The following GNA14 variants were observed in gnomAD, a reference collection of about 807,000 sequenced individuals.
GNA14 encodes the protein G protein subunit alpha 14, also known as guanine nucleotide-binding protein subunit alpha-14.
In GNA14, 50 loss-of-function variants were observed where a neutral mutation model predicts 42.0. That is an observed-to-expected ratio of 1.19 (90% confidence interval 0.95 to 1.51). The LOEUF (loss-of-function observed/expected upper bound fraction) is 1.51. Among genes scored for constraint, GNA14 ranks in the 40% most tolerant of loss-of-function variants. The pLI is 0.00. For synonymous variants in GNA14, 173 were observed against 163.1 expected (o/e 1.06, Z -0.46); for missense variants, 473 against 446.2 (o/e 1.06, Z -0.54).
chr9:77,631,294 C>T (rs551039269), intron 1 of GNA14, among the ~76,000 whole-genome samples: 2 of 152,062 alleles, frequency 1.3e-5, no homozygotes, highest in African/African-American at 2.4e-5. Flanking sequence ...GAAATTGCTA[C>T]ATCACTTCAG....
chr9:77,492,802 A>T (rs1350843735), intron 2 of GNA14, among the ~76,000 whole-genome samples: 1 of 151,444 alleles, frequency 6.6e-6, no homozygotes, highest in Non-Finnish European at 1.5e-5. Context: ...AGGAGTTGGA[A>T]ACCAGCCTGG....
chr9:77,529,133 GC>G lies in GNA14; in HGVS notation c.244del (p.Ala82ProfsTer5). ...CATCGCTCTGATCATGGCTTGCATG[GC>G]GGTGAATATGTTTTGGTAAACCAGC... ...TKLVYQNIFTAMQAMIRAMDT... is the reference protein window; with the variant it reads ...TKLVYQNIFTXMQAMIRAMDT... On this transcript the variant is annotated frameshift_variant, in exon 2 of 7. Transcript: ENST00000341700. LOFTEE classifies it high-confidence loss of function. The G allele has an allele frequency of 6.2e-7, 1 of 1,614,118 alleles. No homozygotes were observed. Among genetic ancestry groups the G allele is most frequent in the Non-Finnish European group, 8.5e-7 (1 of 1,179,976 alleles).
At chr9:77,640,109 A>G (rs1284468114) in intron 1 of GNA14, among the ~76,000 whole-genome samples, 1 of 152,186 alleles carries the variant, frequency 6.6e-6, no homozygotes, top group African/African-American at 2.4e-5. Flanking sequence ...ACCTGGCTAT[A>G]AAGGTCTGCA....
chr9:77,646,193 C>T (rs573510988), intron 1 of GNA14, among the ~76,000 whole-genome samples: 1 of 152,348 alleles, frequency 6.6e-6, no homozygotes, highest in East Asian at 1.9e-4. Flanking sequence ...CGGGGACTCC[C>T]TCCACTCCTA....
At chr9:77,628,543 T>C (rs1198644689) in intron 1 of GNA14, among the ~76,000 whole-genome samples, 1 of 152,104 alleles carries the variant, frequency 6.6e-6, no homozygotes, top group African/African-American at 2.4e-5. Flanking sequence ...AACAGATATA[T>C]AGATCAATGG....
Position 77,529,288 on chromosome 9 carries a change from A to C in GNA14, c.125-35T>G, listed in dbSNP as rs745977751. On this transcript the variant is annotated intron_variant, in intron 1 of 6. Coordinates refer to ENST00000341700, the MANE Select transcript of GNA14 (RefSeq NM_004297.4). ...AAAACAAGTGGAAAACGCTGTCAGC[A>C]GACTTCCAAAGGAACACACGAAGAA... 4 of 1,521,272 alleles carry C rather than the reference A, an allele frequency of 2.6e-6. No individual in the cohort carries two copies. The Admixed American group carries it at 5.0e-5, about 19-fold the overall frequency. The allele number at this position is 1,521,272 out of a possible 1,614,324, so 94.2% of individuals were successfully genotyped here.
At chr9:77,481,203 T>C (rs141712514) in intron 2 of GNA14, among the ~76,000 whole-genome samples, 3,945 of 152,260 alleles carry the variant, frequency 0.026, 169 homozygotes, top group African/African-American at 0.089. Flanking sequence ...TAAATTTCCC[T>C]CTACTCACTG....
intron 1 of GNA14, among the ~76,000 whole-genome samples, chr9:77,560,286 CTTTTTTT>C (rs770870060): frequency 1.7e-5 from 2 of 119,556 alleles, no homozygotes; most frequent in East Asian, 2.4e-4. Context: ...CCTCTCCAGT[CTTTTTTT>C]TTTTTTTTTT....
chr9:77,426,566 A>C (rs910016907), intron 5 of GNA14, among the ~76,000 whole-genome samples: 16 of 152,136 alleles, frequency 1.1e-4, no homozygotes, highest in African/African-American at 3.9e-4. Context: ...GGCCTCCCAA[A>C]GTGCTGGGAT....
intron 2 of GNA14, among the ~76,000 whole-genome samples, chr9:77,476,688 A>G (rs1836430028): frequency 6.6e-6 from 1 of 152,240 alleles, no homozygotes; most frequent in Non-Finnish European, 1.5e-5. Flanking sequence ...TGAAAAGGAT[A>G]AAATGAATTG....
intron 1 of GNA14, among the ~76,000 whole-genome samples, chr9:77,594,453 AACAAGC>A (rs1461023635): frequency 1.3e-5 from 2 of 152,222 alleles, no homozygotes; most frequent in Non-Finnish European, 2.9e-5. Flanking sequence ...CCCTAAATAG[AACAAGC>A]ACCAAAAACA....
chr9:77,579,881 C>G (rs1395183806), intron 1 of GNA14, among the ~76,000 whole-genome samples: 2 of 152,210 alleles, frequency 1.3e-5, no homozygotes, highest in Non-Finnish European at 2.9e-5. Context: ...TGATTCATTT[C>G]TATCCTTCTC....
intron 2 of GNA14, among the ~76,000 whole-genome samples, chr9:77,519,398 G>A (rs1477073721): frequency 2.0e-5 from 3 of 151,984 alleles, no homozygotes; most frequent in African/African-American, 4.8e-5. Context: ...GTGACACGGC[G>A]AGACTCTGCC....
intron 1 of GNA14, among the ~76,000 whole-genome samples, chr9:77,636,018 G>C (rs528451694): frequency 6.6e-6 from 1 of 152,246 alleles, no homozygotes; most frequent in Non-Finnish European, 1.5e-5. Context: ...TGCTATAAAG[G>C]TTTCTAAACA....
chr9:77,456,329 A>T (rs1433654365), intron 2 of GNA14: 1 of 147,798 alleles, frequency 6.8e-6, no homozygotes, highest in Non-Finnish European at 1.5e-5. Flanking sequence ...CTGCCTGTGC[A>T]ACTCTCCAGA....
chr9:77,598,784 G>C (rs1823505417), intron 1 of GNA14, among the ~76,000 whole-genome samples: 1 of 152,158 alleles, frequency 6.6e-6, no homozygotes. Context: ...TGTCCTTCCA[G>C]CTGTCTACAC....
intron 1 of GNA14, among the ~76,000 whole-genome samples, chr9:77,598,250 G>T (rs1226419256): frequency 6.6e-6 from 1 of 152,138 alleles, no homozygotes. Context: ...GTATACTTCT[G>T]AGTGAGCACT....
chr9:77,529,009 C>G (rs1460390840), intron 2 of GNA14, 60 bp downstream of exon 2: 3 of 1,409,426 alleles, frequency 2.1e-6, no homozygotes, highest in Non-Finnish European at 3.0e-6. Context: ...AATCTTTGTG[C>G]TAACCAGAGT....
chr9:77,591,903 G>A (rs938248853), intron 1 of GNA14, among the ~76,000 whole-genome samples: 1 of 136,844 alleles, frequency 7.3e-6, no homozygotes, highest in Non-Finnish European at 1.5e-5. Context: ...GTCCAGCACC[G>A]TTTTTTGTTT....
Sources: gnomAD v4.1 joint callset for allele counts (sites outside exome capture counted in the v4.1 genomes callset) on GRCh38, gnomAD v4.1.1 for gene constraint, MANE v1.5 for transcripts, NCBI Gene and HGNC (gene_info 2026-07-23, HGNC 2026-07-21) for gene names.